Variants in ATP2C1 observed in about 807,000 individuals in gnomAD.
ATP2C1 encodes calcium-transporting ATPase type 2C member 1.
ATP2C1 carries 31 observed loss-of-function variants against 120.5 expected under a neutral mutation model. The observed-to-expected ratio is 0.26, with a 90% CI of 0.19 to 0.35. The LOEUF is 0.35. Among genes scored for constraint, ATP2C1 ranks in the 10% least tolerant of loss-of-function variants. The pLI, the probability that ATP2C1 is intolerant of heterozygous loss-of-function variation, is 1.00. For missense variants in ATP2C1, 731 were observed against 1,107.5 expected (o/e 0.66, Z 4.83); for synonymous variants, 351 against 358.7 (o/e 0.98, Z 0.24).
At chr3:130,962,325 A>G (rs1452715005) in intron 12 of ATP2C1, among the ~76,000 whole-genome samples, 4 of 152,042 alleles carry the variant, frequency 2.6e-5, no homozygotes, top group African/African-American at 9.7e-5. Context: ...TTTCAACACA[A>G]TTGGGAGCCA....
chr3:130,910,188 TA>T (rs2058332410), intron 2 of ATP2C1, among the ~76,000 whole-genome samples: 1 of 151,938 alleles, frequency 6.6e-6, no homozygotes, highest in African/African-American at 2.4e-5. Context: ...GATTCCTAGG[TA>T]TTTTATTCTC....
At position 130,985,893 on chromosome 3, in the gene ATP2C1, A is replaced by G. The variant is rs541218876; in HGVS notation, c.1839+5214A>G. Among the ~76,000 whole-genome samples, 3 of 152,212 alleles carry G rather than the reference A, an allele frequency of 2.0e-5. No individual in the cohort carries two copies. The South Asian group carries it at 6.2e-4, about 32-fold the overall frequency. ...TGTTCATATTCATTTTCTATGTGGC[A>G]CTGCTGTTTTTGAAATTCTATGATT... On this transcript the variant is annotated intron_variant, in intron 20 of 27. Coordinates refer to ENST00000510168, the MANE Select transcript of ATP2C1 (RefSeq NM_001378687.1).
chr3:130,975,087 A>T (rs546479653), intron 17 of ATP2C1, among the ~76,000 whole-genome samples: 1 of 152,222 alleles, frequency 6.6e-6, no homozygotes, highest in South Asian at 2.1e-4. Flanking sequence ...CAGAGTGCCA[A>T]ATTTGGGGCT....
At chr3:130,937,522 G>T in intron 6 of ATP2C1, 59 bp downstream of exon 6, 2 of 1,434,838 alleles carry the variant, frequency 1.4e-6, no homozygotes, top group Non-Finnish European at 2.0e-6. Context: ...AAATCAAGGT[G>T]TCTTGTGGTA....
At chr3:130,952,191 A>G (rs1439542768) in intron 8 of ATP2C1, among the ~76,000 whole-genome samples, 2 of 152,126 alleles carry the variant, frequency 1.3e-5, no homozygotes, top group Admixed American at 6.6e-5. Flanking sequence ...GCATTATGTT[A>G]TATACTCGTG....
chr3:130,881,172 T>C, intron 1 of ATP2C1, among the ~76,000 whole-genome samples: 1 of 152,172 alleles, frequency 6.6e-6, no homozygotes, highest in East Asian at 1.9e-4. Context: ...GCCTAGGCTA[T>C]TAATGCAAAC....
In ATP2C1 at chr3:131,011,686, T is replaced by C. The variant is rs13099235; in HGVS notation, c.2630-4466T>C. On this transcript the variant is annotated intron_variant, in intron 26 of 26. Coordinates refer to the ATP2C1 transcript ENST00000328560. ...CATCCTGGTGACCGCTGTTTCCTTATTGTAGTATTCAGTCTGCACTTTGCC... is the reference window on the plus strand; with the variant it reads ...CATCCTGGTGACCGCTGTTTCCTTACTGTAGTATTCAGTCTGCACTTTGCC... Among the ~76,000 whole-genome samples, 1,332 of 152,340 alleles carry C rather than the reference T, an allele frequency of 8.7e-3. 7 individuals are homozygous for C. The highest frequency in any genetic ancestry group is 0.012 in the Non-Finnish European group (823 of 68,028).
At chr3:130,932,251 AT>A in intron 4 of ATP2C1, 113 bp downstream of exon 4, 2 of 759,226 alleles carry the variant, frequency 2.6e-6, no homozygotes, top group Non-Finnish European at 2.3e-6. Flanking sequence ...TAATTTTTAG[AT>A]GTTTTTTACC....
intron 20 of ATP2C1, among the ~76,000 whole-genome samples, chr3:130,988,207 T>G (rs760042776): frequency 3.9e-5 from 6 of 152,216 alleles, no homozygotes; most frequent in Non-Finnish European, 8.8e-5. Flanking sequence ...GGTAGGTTAT[T>G]CTAATGCAAG....
chr3:130,914,958 A>G (rs1294869118), intron 2 of ATP2C1, among the ~76,000 whole-genome samples: 3 of 152,358 alleles, frequency 2.0e-5, no homozygotes, highest in Admixed American at 6.5e-5. Flanking sequence ...CCTACGGGAA[A>G]GCAGTTGGAT....
At chr3:130,952,813 G>C (rs1303279557) in intron 8 of ATP2C1, among the ~76,000 whole-genome samples, 1 of 152,154 alleles carries the variant, frequency 6.6e-6, no homozygotes, top group Non-Finnish European at 1.5e-5. Context: ...AGAATCACCT[G>C]GAGGGCTTGT....
chr3:130,858,300 C>T (rs1446247178), intron 1 of ATP2C1, among the ~76,000 whole-genome samples: 1 of 152,182 alleles, frequency 6.6e-6, no homozygotes, highest in East Asian at 1.9e-4. Flanking sequence ...AACCATCACA[C>T]CCCCTGTTCT....
At chr3:130,968,196 G>C (rs542300044) in intron 16 of ATP2C1, among the ~76,000 whole-genome samples, 1 of 152,110 alleles carries the variant, frequency 6.6e-6, no homozygotes, top group Non-Finnish European at 1.5e-5. Context: ...GCACATTTCT[G>C]TATCATTTGG....
intron 1 of ATP2C1, among the ~76,000 whole-genome samples, chr3:130,862,114 C>T (rs1355609416): frequency 6.6e-6 from 1 of 150,980 alleles, no homozygotes; most frequent in Non-Finnish European, 1.5e-5. Flanking sequence ...GCTGGGACTA[C>T]AGGCGCCTGC....
At chr3:130,878,896 T>C (rs1397481424) in intron 1 of ATP2C1, among the ~76,000 whole-genome samples, 1 of 152,212 alleles carries the variant, frequency 6.6e-6, no homozygotes, top group South Asian at 2.1e-4. Flanking sequence ...ATCTTTGAGC[T>C]TCCAGTATCT....
At chr3:130,863,869 G>GT (rs2068089153) in intron 1 of ATP2C1, among the ~76,000 whole-genome samples, 1 of 152,204 alleles carries the variant, frequency 6.6e-6, no homozygotes, top group African/African-American at 2.4e-5. Flanking sequence ...ATGTGGAAAT[G>GT]TAAGTCCAAT....
chr3:130,948,671 C>T (rs1030425014), intron 8 of ATP2C1, among the ~76,000 whole-genome samples: 1 of 151,892 alleles, frequency 6.6e-6, no homozygotes, highest in African/African-American at 2.4e-5. Flanking sequence ...ACTGGCATAC[C>T]TCATTTTATC....
At chr3:130,934,538 T>G in intron 4 of ATP2C1, 84 bp from the exon 5 acceptor site, 1 of 892,440 alleles carries the variant, frequency 1.1e-6, no homozygotes, top group Non-Finnish European at 1.8e-6. Flanking sequence ...GTCATGCTCT[T>G]ATGGTTTTTT....
chr3:130,903,037 G>A (rs926034172), intron 2 of ATP2C1, among the ~76,000 whole-genome samples: 8 of 151,902 alleles, frequency 5.3e-5, no homozygotes, highest in Middle Eastern at 3.2e-3. Context: ...GAAAAAAACC[G>A]GTTTACTCTT....
Sources: gnomAD v4.1 joint callset for allele counts (sites outside exome capture counted in the v4.1 genomes callset) on GRCh38, gnomAD v4.1.1 for gene constraint, MANE v1.5 for transcripts, NCBI Gene and HGNC (gene_info 2026-07-23, HGNC 2026-07-21) for gene names.